The following DPP4 variants were observed in gnomAD, a reference collection of about 807,000 sequenced individuals.
The protein encoded by DPP4 is dipeptidyl peptidase 4, also known as ADCP-2.
DPP4 carries 93 observed loss-of-function variants against 122.4 expected under a neutral mutation model. The ratio of observed to expected loss-of-function variants is 0.76; its 90% CI spans 0.64 to 0.90. DPP4 has a LOEUF of 0.90. Ranked by LOEUF, DPP4 falls within the 40% of genes least tolerant of loss-of-function variation. The probability of loss-of-function intolerance (pLI) is 0.00; values close to 1 mark genes in which losing one functional copy is unlikely to be tolerated. For missense variants in DPP4, 914 were observed against 907.3 expected (o/e 1.01, Z -0.09); for synonymous variants, 321 against 302.9 (o/e 1.06, Z -0.62).
At position 162,074,079 on chromosome 2, in the gene DPP4, G is replaced by T; in HGVS notation, c.-98C>A. On this transcript the variant is annotated 5_prime_UTR_variant, in exon 1 of 26. Transcript: ENST00000360534. Reference sequence around the variant, plus strand: ...CGCGTCCTGCACCGCTGCTCCGGGCGGTGGAGTCACTCGCCGCTGGCAAGT... The same window carrying T: ...CGCGTCCTGCACCGCTGCTCCGGGCTGTGGAGTCACTCGCCGCTGGCAAGT... 2.0e-6 allele frequency: 3 copies of T among 1,510,724 alleles called. No homozygotes were observed. The highest frequency in any genetic ancestry group is 2.4e-5 in the East Asian group (1 of 40,996). The allele number at this position is 1,510,724 out of a possible 1,614,324, so 93.6% of individuals were successfully genotyped here. A position where few individuals can be genotyped will look rare whatever the true frequency, so the allele number is the denominator to read the frequency against.
At chr2:162,012,056 C>A in intron 19 of DPP4, 69 bp from the exon 20 acceptor site, 1 of 1,495,878 alleles carries the variant, frequency 6.7e-7, no homozygotes, top group Admixed American at 1.8e-5. Context: ...TTACATTTCT[C>A]TTCTCCGTGG....
chr2:162,065,479 C>A lies in DPP4; in HGVS notation c.94+7920G>T, dbSNP rs567540714. Among the ~76,000 whole-genome samples, 121 of 152,348 alleles carry A rather than the reference C, an allele frequency of 7.9e-4. No homozygotes were observed. The Middle Eastern group carries it at 0.01, about 13-fold the overall frequency. ...AACAAACCCAAGAACCACTTTACTT[C>A]TGCACTTCCAATTATAAAAGATGCT... On this transcript the variant is annotated intron_variant, in intron 2 of 25. Transcript: ENST00000360534.
chr2:162,063,827 G>C (rs1684863398), intron 2 of DPP4, among the ~76,000 whole-genome samples: 2 of 152,064 alleles, frequency 1.3e-5, no homozygotes, highest in African/African-American at 4.8e-5. Flanking sequence ...GGATGAGGGT[G>C]GAAAAAGACA....
At chr2:162,034,123 G>C (rs1683677576) in intron 9 of DPP4, among the ~76,000 whole-genome samples, 1 of 151,934 alleles carries the variant, frequency 6.6e-6, no homozygotes, top group Admixed American at 6.6e-5. Context: ...CAGTTTACCT[G>C]AGTCAACGGT....
At position 162,019,239 on chromosome 2, in the gene DPP4, C is replaced by T; in HGVS notation, c.1282G>A (p.Gly428Arg). Residue 428 changes from glycine to arginine, a missense_variant, in exon 15 of 26, where the codon GGA becomes AGA. Transcript: ENST00000360534. Reference sequence around the variant, plus strand: ...AGCTCTTACTTATAAAGATTCCTTCCTCCTGGCATTCCTTTATATTCATTA... The same window carrying T: ...AGCTCTTACTTATAAAGATTCCTTCTTCCTGGCATTCCTTTATATTCATTA... ...ISNEYKGMPG[G>R]RNLYKIQLSD... is the part of the protein sequence containing the mutation. 6.3e-7 allele frequency: 1 copy of T among 1,596,952 alleles called. No homozygotes were observed. The highest frequency in any genetic ancestry group is 8.6e-7 in the Non-Finnish European group (1 of 1,167,834).
chr2:162,068,581 A>G (rs374622450), intron 2 of DPP4, among the ~76,000 whole-genome samples: 1 of 151,538 alleles, frequency 6.6e-6, no homozygotes, highest in Non-Finnish European at 1.5e-5. Flanking sequence ...GGAATGGTAT[A>G]CCTGCCACTT....
chr2:162,023,251 G>A (rs1683203899), intron 11 of DPP4, among the ~76,000 whole-genome samples: 1 of 152,014 alleles, frequency 6.6e-6, no homozygotes, highest in Admixed American at 6.6e-5. Context: ...CTTTGTTCAT[G>A]TCCTCAGCAG....
intron 2 of DPP4, among the ~76,000 whole-genome samples, chr2:162,065,835 G>A (rs896394023): frequency 6.6e-6 from 1 of 152,162 alleles, no homozygotes; most frequent in African/African-American, 2.4e-5. Flanking sequence ...TTTGATTGTA[G>A]TTAATGTTTA....
chr2:162,005,203 A>G (rs1008855011), intron 23 of DPP4, among the ~76,000 whole-genome samples: 2 of 152,186 alleles, frequency 1.3e-5, no homozygotes, highest in African/African-American at 2.4e-5. Flanking sequence ...TGGTTCTTCC[A>G]TCAGGCAACC....
chr2:162,049,660 A>G (rs1440825135), intron 2 of DPP4, among the ~76,000 whole-genome samples: 1 of 152,192 alleles, frequency 6.6e-6, no homozygotes, highest in East Asian at 1.9e-4. Context: ...TGAAAGAAAA[A>G]AAACAGATAA....
Position 162,019,269 on chromosome 2 carries a change from TGTA to T in DPP4, c.1249_1251del (p.Tyr417del), listed in dbSNP as rs1168302217. 3.2e-6 allele frequency: 5 copies of T among 1,552,442 alleles called. No individual in the cohort carries two copies. Among genetic ancestry groups the T allele is most frequent in the Non-Finnish European group, 4.4e-6 (5 of 1,130,558 alleles). On this transcript the variant is annotated inframe_deletion, in exon 15 of 26. Transcript: ENST00000360534. ...GGCATTCCTTTATATTCATTACTAA[TGTA>T]GTATCTAGGAAGAGAAAAAAATGAA...
In DPP4 at chr2:162,056,987, C is replaced by T. The variant is rs117900086; in HGVS notation, c.95-9486G>A. On this transcript the variant is annotated intron_variant, in intron 2 of 25. Transcript: ENST00000360534. ...GAACTAAATCAACCAGTCCTGTGACCGTCACCCATAAAATGACTCAGTGCA... is the reference window on the plus strand; with the variant it reads ...GAACTAAATCAACCAGTCCTGTGACTGTCACCCATAAAATGACTCAGTGCA... 2.8e-3 allele frequency among the ~76,000 whole-genome samples: 423 copies of T among 152,182 alleles called. 6 individuals are homozygous for T. In the East Asian group the frequency reaches 0.036, roughly 13 times the overall value.
chr2:162,010,760 T>C (rs1295454186), intron 20 of DPP4, among the ~76,000 whole-genome samples: 1 of 152,204 alleles, frequency 6.6e-6, no homozygotes, highest in Non-Finnish European at 1.5e-5. Flanking sequence ...AAATAGCTAA[T>C]CATTAACTTT....
At chr2:162,014,301 A>G (rs968453256) in intron 19 of DPP4, 95 bp downstream of exon 19, 13 of 963,494 alleles carry the variant, frequency 1.3e-5, no homozygotes, top group African/African-American at 1.7e-5. Context: ...GGAAGAGGGA[A>G]AGGACGCATT....
chr2:162,017,429 A>G (rs866806811), intron 16 of DPP4: 1 of 425,526 alleles, frequency 2.4e-6, no homozygotes, highest in Non-Finnish European at 4.2e-6. Context: ...CACCTTGGGC[A>G]CATTATCATC....
intron 18 of DPP4, among the ~76,000 whole-genome samples, chr2:162,016,224 C>A (rs1271969615): frequency 6.6e-6 from 1 of 152,012 alleles, no homozygotes; most frequent in East Asian, 1.9e-4. Flanking sequence ...CAATAAATAA[C>A]AAGATTTTCT....
chr2:162,050,945 G>A (rs746172495), intron 2 of DPP4, among the ~76,000 whole-genome samples: 4 of 152,106 alleles, frequency 2.6e-5, no homozygotes, highest in Non-Finnish European at 4.4e-5. Flanking sequence ...TTCTTAGTTC[G>A]GCCTGGGACA....
intron 2 of DPP4, among the ~76,000 whole-genome samples, chr2:162,053,970 G>T (rs1283763750): frequency 1.3e-5 from 2 of 152,020 alleles, no homozygotes; most frequent in African/African-American, 4.8e-5. Context: ...AGAGTCACAG[G>T]CACAAGACTT....
intron 2 of DPP4, among the ~76,000 whole-genome samples, chr2:162,056,118 C>A (rs1415018222): frequency 6.6e-6 from 1 of 152,210 alleles, no homozygotes; most frequent in Non-Finnish European, 1.5e-5. Flanking sequence ...CTGCAGCCTT[C>A]TTCCCCATGG....
Sources: gnomAD v4.1 joint callset for allele counts (sites outside exome capture counted in the v4.1 genomes callset) on GRCh38, gnomAD v4.1.1 for gene constraint, MANE v1.5 for transcripts, NCBI Gene and HGNC (gene_info 2026-07-23, HGNC 2026-07-21) for gene names.